DLGAP1: variants seen among roughly 807,000 people sequenced by gnomAD.
DLGAP1 encodes the protein DLG associated protein 1, also known as disks large-associated protein 1.
Under a neutral mutation model 90.8 loss-of-function variants are expected in DLGAP1, and 11 were observed. That is an observed-to-expected ratio of 0.12 (90% CI 0.08 to 0.20). The LOEUF (loss-of-function observed/expected upper bound fraction) is 0.20, where lower values mean the gene tolerates loss of function less well. Ranked by LOEUF, DLGAP1 falls within the 10% of genes least tolerant of loss-of-function variation. The pLI, the probability that DLGAP1 is intolerant of heterozygous loss-of-function variation, is 1.00. For synonymous variants in DLGAP1, 558 were observed against 540.7 expected, an observed-to-expected ratio of 1.03 and a Z score of -0.44; for missense variants, 1,050 against 1,333.8, an observed-to-expected ratio of 0.79 and a Z score of 3.31.
chr18:3,537,394 C>G (rs975094728), intron 9 of DLGAP1, among the ~76,000 whole-genome samples: 4 of 152,178 alleles, frequency 2.6e-5, no homozygotes, highest in Non-Finnish European at 5.9e-5. Flanking sequence ...TTAAATTCAA[C>G]AGAACATCTT....
intron 6 of DLGAP1, 85 bp downstream of exon 6, chr18:3,742,250 G>T: frequency 6.7e-7 from 1 of 1,489,554 alleles, no homozygotes; most frequent in Non-Finnish European, 9.1e-7. Context: ...ATGAATGACT[G>T]CCTCCCCACC....
At chr18:4,285,677 C>G (rs1036382630) in intron 1 of DLGAP1, among the ~76,000 whole-genome samples, 3 of 152,186 alleles carry the variant, frequency 2.0e-5, no homozygotes, top group Non-Finnish European at 2.9e-5. Flanking sequence ...ATACAGAAAT[C>G]GGCAGTGAGG....
At chr18:3,667,101 C>T (rs2059911979) in intron 7 of DLGAP1, among the ~76,000 whole-genome samples, 1 of 147,170 alleles carries the variant, frequency 6.8e-6, no homozygotes, top group Admixed American at 6.8e-5. Flanking sequence ...TTTTGGGAGT[C>T]AGGGTCTCAC....
intron 5 of DLGAP1, among the ~76,000 whole-genome samples, chr18:3,776,164 T>G (rs942692623): frequency 6.6e-6 from 1 of 152,192 alleles, no homozygotes; most frequent in Non-Finnish European, 1.5e-5. Flanking sequence ...CACCAGCCTC[T>G]GAGTAACAGA....
rs143649853 is a variant in DLGAP1, at chr18:3,956,657, T to C, written c.-73+48459A>G. Reference sequence around the variant, plus strand: ...ACCACCACGCCCGGCCTATTTTTCCTTTTCTTTTAGACAGGGTCTCGCTCT... The same window carrying C: ...ACCACCACGCCCGGCCTATTTTTCCCTTTCTTTTAGACAGGGTCTCGCTCT... On this transcript the variant is annotated intron_variant, in intron 3 of 12. Transcript: ENST00000315677. Among the ~76,000 whole-genome samples, 1,420 of 152,062 alleles carry C rather than the reference T, an allele frequency of 9.3e-3. 23 individuals are homozygous for C. The highest frequency in any genetic ancestry group is 0.033 in the African/African-American group (1,361 of 41,458).
Position 4,310,332 on chromosome 18 carries a change from C to T in DLGAP1, c.-267+144674G>A, listed in dbSNP as rs536004046. On this transcript the variant is annotated intron_variant, in intron 1 of 12. Coordinates refer to ENST00000315677, the MANE Select transcript of DLGAP1 (RefSeq NM_004746.4). ...AGCTTGCATATGTGCATATGCTCAACGCATGCGTGTGTTGTTTTGAAACAC... is the reference window on the plus strand; with the variant it reads ...AGCTTGCATATGTGCATATGCTCAATGCATGCGTGTGTTGTTTTGAAACAC... Among the ~76,000 whole-genome samples the T allele has an allele frequency of 3.9e-5, 6 of 152,172 alleles. No individual in the cohort carries two copies. The East Asian group carries it at 5.8e-4, about 15-fold the overall frequency.
intron 1 of DLGAP1, among the ~76,000 whole-genome samples, chr18:4,365,507 G>A (rs1567864163): frequency 3.3e-5 from 5 of 151,962 alleles, no homozygotes; most frequent in South Asian, 2.1e-4. Flanking sequence ...CCCTATAAAC[G>A]TACATAAAAT....
chr18:3,608,718 C>A (rs1433162707), intron 7 of DLGAP1, among the ~76,000 whole-genome samples: 1 of 152,228 alleles, frequency 6.6e-6, no homozygotes, highest in Non-Finnish European at 1.5e-5. Flanking sequence ...CCAGAGAGGT[C>A]TCGCTCTATA....
chr18:3,990,680 T>G (rs2149050266), intron 3 of DLGAP1, among the ~76,000 whole-genome samples: 1 of 148,368 alleles, frequency 6.7e-6, no homozygotes, highest in East Asian at 2.0e-4. Flanking sequence ...AAATTACTAC[T>G]TGTTGAGTTT....
intron 2 of DLGAP1, among the ~76,000 whole-genome samples, chr18:4,054,878 T>G (rs1343007295): frequency 6.6e-6 from 1 of 152,230 alleles, no homozygotes; most frequent in Admixed American, 6.5e-5. Flanking sequence ...CTAGAATGAT[T>G]AAGAGAAAAT....
rs1184269543 is a variant in DLGAP1 at position 3,828,565 on chromosome 18, A to G, written c.958-14292T>C. On this transcript the variant is annotated intron_variant, in intron 4 of 12. Transcript: ENST00000315677. ...TGAGGTGAGAGGATCTCCTGAGCCT[A>G]GGAGCTGAAGGCTCCAGTGAGTTGT... 2.8e-5 allele frequency among the ~76,000 whole-genome samples: 4 copies of G among 141,690 alleles called. 1 individual carries two copies. Among genetic ancestry groups the G allele is most frequent in the Non-Finnish European group, 6.1e-5 (4 of 65,584 alleles). The allele number at this position is 141,690 out of a possible 152,430, so 93.0% of individuals were successfully genotyped here.
chr18:3,685,335 G>A (rs1197934684), intron 7 of DLGAP1, among the ~76,000 whole-genome samples: 1 of 152,102 alleles, frequency 6.6e-6, no homozygotes, highest in African/African-American at 2.4e-5. Flanking sequence ...GCCAAGGCGG[G>A]TGGACCACTT....
At chr18:3,974,083 T>A (rs1050616001) in intron 3 of DLGAP1, among the ~76,000 whole-genome samples, 24 of 152,108 alleles carry the variant, frequency 1.6e-4, no homozygotes, top group Admixed American at 5.9e-4. Context: ...CTTTTTATTT[T>A]TTTTTTTTTT....
intron 5 of DLGAP1, among the ~76,000 whole-genome samples, chr18:3,766,560 G>A (rs1314645370): frequency 6.6e-6 from 1 of 151,846 alleles, no homozygotes; most frequent in Non-Finnish European, 1.5e-5. Flanking sequence ...TACCAAAATA[G>A]TCCATATTTG....
chr18:4,438,698 C>T (rs1186212367), intron 1 of DLGAP1, among the ~76,000 whole-genome samples: 3 of 150,280 alleles, frequency 2.0e-5, no homozygotes, highest in African/African-American at 7.3e-5. Context: ...CACACTCGAA[C>T]CTCCTTGACA....
chr18:3,845,436 A>C, intron 4 of DLGAP1: 2 of 1,351,244 alleles, frequency 1.5e-6, no homozygotes, highest in Non-Finnish European at 1.9e-6. Flanking sequence ...CAAGATTTGC[A>C]ACTTTACATT....
At chr18:3,762,460 C>T (rs1275370484) in intron 5 of DLGAP1, among the ~76,000 whole-genome samples, 1 of 152,204 alleles carries the variant, frequency 6.6e-6, no homozygotes, top group African/African-American at 2.4e-5. Flanking sequence ...GATGTACTTA[C>T]ACAGATGTAA....
chr18:3,794,185 T>C (rs1479517217), intron 5 of DLGAP1, among the ~76,000 whole-genome samples: 1 of 152,210 alleles, frequency 6.6e-6, no homozygotes, highest in Non-Finnish European at 1.5e-5. Context: ...TGTCTCTTAG[T>C]TCCACCTGCC....
chr18:4,317,816 A>C (rs1429105155), intron 1 of DLGAP1, among the ~76,000 whole-genome samples: 1 of 152,196 alleles, frequency 6.6e-6, no homozygotes, highest in Non-Finnish European at 1.5e-5. Flanking sequence ...ACAACAAGTA[A>C]AATATATAAA....
Sources: allele counts gnomAD v4.1 joint callset (sites outside exome capture counted in the v4.1 genomes callset), GRCh38; gene constraint gnomAD v4.1.1; transcripts MANE v1.5; gene names NCBI Gene and HGNC (gene_info 2026-07-23, HGNC 2026-07-21).